Variants in SLC24A2 observed in about 807,000 individuals in gnomAD.
The protein encoded by SLC24A2 is sodium/potassium/calcium exchanger 2.
Under a neutral mutation model 62.0 loss-of-function variants are expected in SLC24A2, and 36 were observed. That is an observed-to-expected ratio of 0.58 (90% CI 0.44 to 0.77). The LOEUF (loss-of-function observed/expected upper bound fraction) is 0.77. SLC24A2 is among the 30% of genes least tolerant of loss of function. SLC24A2 has a pLI of 0.00. For missense variants in SLC24A2, 846 were observed against 817.9 expected (o/e 1.03, Z -0.42); for synonymous variants, 358 against 294.0 (o/e 1.22, Z -2.23).
At chr9:19,654,714 C>T (rs1818896919) in intron 2 of SLC24A2, among the ~76,000 whole-genome samples, 2 of 152,232 alleles carry the variant, frequency 1.3e-5, no homozygotes, top group Admixed American at 6.5e-5. Flanking sequence ...CCCTTTGAAC[C>T]TGCCCCCGGT....
intron 7 of SLC24A2, 78 bp downstream of exon 7, chr9:19,573,273 G>T: frequency 1.0e-6 from 1 of 973,268 alleles, no homozygotes; most frequent in Non-Finnish European, 1.7e-6. Flanking sequence ...CTTCCAAGGA[G>T]AATATAGGGT....
chr9:19,682,559 C>T (rs1443361325), intron 2 of SLC24A2, among the ~76,000 whole-genome samples: 1 of 152,060 alleles, frequency 6.6e-6, no homozygotes, highest in African/African-American at 2.4e-5. Context: ...ATGCAGAAAA[C>T]CCTGAGGAAA....
At chr9:20,062,394 G>T in the SLC24A2 span, among the ~76,000 whole-genome samples, 3 of 80,054 alleles carry the variant, frequency 3.7e-5, no homozygotes, top group Non-Finnish European at 6.3e-5. Context: ...AATGGGGAAA[G>T]GATTCCCTAT....
chr9:20,000,042 A>T, the SLC24A2 span, among the ~76,000 whole-genome samples: 1 of 152,178 alleles, frequency 6.6e-6, no homozygotes, highest in Non-Finnish European at 1.5e-5. Context: ...CTTTGGGGTT[A>T]CACAGACCTG....
At chr9:20,076,880 T>TAC in the SLC24A2 span, among the ~76,000 whole-genome samples, 101 of 120,552 alleles carry the variant, frequency 8.4e-4, no homozygotes, top group African/African-American at 2.0e-3. Flanking sequence ...TATATATATA[T>TAC]ACATATCATA....
chr9:20,281,248 G>C, the SLC24A2 span, among the ~76,000 whole-genome samples: 139 of 152,146 alleles, frequency 9.1e-4, 1 homozygote, highest in African/African-American at 3.1e-3. Context: ...AAGTTTTTAA[G>C]AAACTATAAC....
chr9:20,190,805 G>A, the SLC24A2 span, among the ~76,000 whole-genome samples: 51 of 152,290 alleles, frequency 3.3e-4, no homozygotes, highest in East Asian at 1.5e-3. Flanking sequence ...GGAAAATTAT[G>A]TAAATTCTCT....
intron 2 of SLC24A2, among the ~76,000 whole-genome samples, chr9:19,643,195 T>C (rs940470146): frequency 3.9e-5 from 6 of 152,154 alleles, no homozygotes; most frequent in African/African-American, 1.4e-4. Flanking sequence ...TTAAAAATTA[T>C]AAATATTTGT....
At chr9:20,282,815 T>C in the SLC24A2 span, among the ~76,000 whole-genome samples, 1 of 152,226 alleles carries the variant, frequency 6.6e-6, no homozygotes, top group African/African-American at 2.4e-5. Context: ...CACTGTAATA[T>C]TTAAACCAAA....
chr9:19,733,187 G>A (rs1242643729), intron 2 of SLC24A2, among the ~76,000 whole-genome samples: 2 of 152,008 alleles, frequency 1.3e-5, no homozygotes, highest in African/African-American at 4.8e-5. Flanking sequence ...TCTCAATGAT[G>A]GGGAGAACAG....
chr9:20,230,994 C>A, the SLC24A2 span, among the ~76,000 whole-genome samples: 1 of 152,112 alleles, frequency 6.6e-6, no homozygotes, highest in Non-Finnish European at 1.5e-5. Context: ...ATAGGGAATC[C>A]TTTCCCCATT....
At chr9:19,983,272 T>C in the SLC24A2 span, among the ~76,000 whole-genome samples, 1 of 152,180 alleles carries the variant, frequency 6.6e-6, no homozygotes, top group African/African-American at 2.4e-5. Flanking sequence ...AAAGGATTCA[T>C]ATACAGACAC....
At chr9:19,973,191 A>C in the SLC24A2 span, among the ~76,000 whole-genome samples, 1 of 152,194 alleles carries the variant, frequency 6.6e-6, no homozygotes, top group Admixed American at 6.5e-5. Flanking sequence ...AACAAAAACT[A>C]AATCAAAATG....
At chr9:19,714,651 A>G (rs1564058646) in intron 2 of SLC24A2, among the ~76,000 whole-genome samples, 1 of 152,098 alleles carries the variant, frequency 6.6e-6, no homozygotes, top group Non-Finnish European at 1.5e-5. Flanking sequence ...GCGTATATCT[A>G]TTTAAGATAT....
the SLC24A2 span, chr9:19,926,779 C>T: frequency 5.9e-3 from 892 of 152,442 alleles, 7 homozygotes; most frequent in Non-Finnish European, 0.011. Context: ...TTCAGAGGAC[C>T]ATGCTGTTGT....
chr9:20,154,895 T>C, the SLC24A2 span, among the ~76,000 whole-genome samples: 1 of 151,624 alleles, frequency 6.6e-6, no homozygotes, highest in South Asian at 2.1e-4. Flanking sequence ...CATATGCTCA[T>C]ACAACCCTGG....
intron 4 of SLC24A2, among the ~76,000 whole-genome samples, chr9:19,609,023 T>G (rs923323919): frequency 4.6e-5 from 7 of 152,186 alleles, no homozygotes; most frequent in Non-Finnish European, 8.8e-5. Flanking sequence ...AAAACTCACT[T>G]TCTCCAGGAA....
At chr9:20,139,440 A>G in the SLC24A2 span, among the ~76,000 whole-genome samples, 2 of 152,234 alleles carry the variant, frequency 1.3e-5, no homozygotes, top group Admixed American at 1.3e-4. Context: ...AGCATAGTGT[A>G]AAGCATTCAA....
intron 5 of SLC24A2, among the ~76,000 whole-genome samples, chr9:19,580,591 T>C (rs563602729): frequency 6.6e-6 from 1 of 152,332 alleles, no homozygotes; most frequent in South Asian, 2.1e-4. Flanking sequence ...ATTTTCAGGA[T>C]CTGTTCATTC....
Sources: gnomAD v4.1 joint callset for allele counts (sites outside exome capture counted in the v4.1 genomes callset) on GRCh38, gnomAD v4.1.1 for gene constraint, MANE v1.5 for transcripts, NCBI Gene and HGNC (gene_info 2026-07-23, HGNC 2026-07-21) for gene names.